Variants in LFNG observed in about 807,000 individuals in gnomAD.
The protein encoded by LFNG is LFNG O-fucosylpeptide 3-beta-N-acetylglucosaminyltransferase.
A neutral mutation model predicts 32.7 loss-of-function variants in LFNG; 15 were observed. The observed-to-expected ratio is 0.46, with a 90% confidence interval of 0.31 to 0.71. The LOEUF (loss-of-function observed/expected upper bound fraction) is 0.71, where lower values mean the gene tolerates loss of function less well. Among genes scored for constraint, LFNG ranks in the 30% least tolerant of loss-of-function variants. The probability of loss-of-function intolerance (pLI) is 0.06; values close to 1 mark genes in which losing one functional copy is unlikely to be tolerated. For synonymous variants in LFNG, 274 were observed against 246.8 expected, an observed-to-expected ratio of 1.11 and a Z score of -1.03; for missense variants, 520 against 545.7, an observed-to-expected ratio of 0.95 and a Z score of 0.47.
In LFNG at chr7:2,519,962, C is replaced by A; in HGVS notation, c.101C>A (p.Pro34His). 2 of 990,106 alleles carry A rather than the reference C, an allele frequency of 2.0e-6. No homozygotes were observed. The highest frequency in any genetic ancestry group is 4.6e-5 in the South Asian group (1 of 21,946). The allele number at this position is 990,106 out of a possible 1,614,324, so 61.3% of individuals were successfully genotyped here. ...LTADPPPPPL[P>H]AERGRRALRS... ...GCCGACCCGCCGCCGCCTCCACTGC[C>A]CGCCGAGCGCGGCCGGCGCGCGCTG... The change falls in exon 1 of 8, where the codon CCC (proline) becomes CAC (histidine). Residue 34 changes from proline (P) to histidine (H), a missense_variant. Coordinates refer to ENST00000222725, the MANE Select transcript of LFNG (RefSeq NM_001040167.2).
At position 2,524,718 on chromosome 7, in the gene LFNG, A is replaced by T; in HGVS notation, c.456A>T (p.Glu152Asp). ...KEMTFIFTDG[E>D]DEALARHTGN... ...AGACGTTCATCTTCACTGACGGGGA[A>T]GATGAGGCCCTGGCCAGGCACACGG... is the stretch of plus-strand genomic sequence containing the variant. Residue 152 changes from glutamate to aspartate, a missense_variant, in exon 2 of 8, where the codon GAA becomes GAT. By Grantham distance (45) the Glu-to-Asp change is conservative (BLOSUM62 2). This residue lies in a region of LFNG where 360 missense variants were observed against 354.7 expected (regional missense o/e 1.01). Coordinates refer to ENST00000222725, the MANE Select transcript of LFNG (RefSeq NM_001040167.2). 2 of 1,590,554 alleles carry T rather than the reference A, an allele frequency of 1.3e-6. No homozygotes were observed. The highest frequency in any genetic ancestry group is 1.7e-6 in the Non-Finnish European group (2 of 1,168,696).
chr7:2,518,668 G>C (rs369336073), upstream of LFNG: 1 of 1,578,098 alleles, frequency 6.3e-7, no homozygotes, highest in Non-Finnish European at 8.6e-7. Flanking sequence ...ATAACTCCGA[G>C]GGGGGCAGTT....
intron 5 of LFNG, among the ~76,000 whole-genome samples, 171 bp downstream of exon 5, chr7:2,525,941 C>A (rs984476715): frequency 2.0e-5 from 3 of 152,220 alleles, no homozygotes; most frequent in Non-Finnish European, 4.4e-5. Flanking sequence ...GCTGTGTTTA[C>A]GGCGGCTGCC....
intron 2 of LFNG, 147 bp from the exon 3 acceptor site, chr7:2,525,072 G>A (rs771559862): frequency 1.5e-5 from 11 of 754,530 alleles, no homozygotes; most frequent in African/African-American, 5.2e-5. Context: ...CCCAAGCCCC[G>A]AGCTAGGGTG....
chr7:2,515,224 A>G (rs1779600705), upstream of LFNG, among the ~76,000 whole-genome samples: 1 of 151,986 alleles, frequency 6.6e-6, no homozygotes. Flanking sequence ...CCATTCATTC[A>G]TCCATCCAAC....
At chr7:2,525,151 G>A (rs574167435) in intron 2 of LFNG, 68 bp from the exon 3 acceptor site, 71 of 1,387,568 alleles carry the variant, frequency 5.1e-5, no homozygotes, top group African/African-American at 1.4e-4. Flanking sequence ...GCCCTGTGGC[G>A]TCCCCCAGGC....
upstream of LFNG, among the ~76,000 whole-genome samples, chr7:2,516,836 G>C (rs145217003): frequency 6.5e-3 from 993 of 152,350 alleles, 18 homozygotes; most frequent in African/African-American, 0.022. Flanking sequence ...TGTCATCCTT[G>C]TGTTACAAGT....
chr7:2,520,286 A>T lies in LFNG; in HGVS notation c.425A>T (p.Lys142Met). The T allele has an allele frequency of 6.2e-7, 1 of 1,608,548 alleles. No homozygotes were observed. The highest frequency in any genetic ancestry group is 8.5e-7 in the Non-Finnish European group (1 of 1,177,932). Residue 142 changes from lysine to methionine, a missense_variant, in exon 1 of 8, where the codon AAG (lysine) becomes ATG (methionine). By Grantham distance (95) the Lys-to-Met change is moderately conservative. Coordinates refer to ENST00000222725, the MANE Select transcript of LFNG (RefSeq NM_001040167.2). This position sits in a 1 kb window ranked among gnomAD's most constrained non-coding sequence, Gnocchi z 5.0. ...LLLETWISRH[K>M]EMTFIFTDGE... is the part of the protein sequence containing the mutation. ...CTGGAGACCTGGATCTCGCGCCACA[A>T]GGAGATGGTGAGCCCCCCGCGGCCT...
chr7:2,519,899 T>C lies in LFNG; in HGVS notation c.38T>C (p.Leu13Pro). ...TGCGGCCGGCGCCTGCTGCTGGCGCTGGCGGGCGCGCTGCTCGCCTGCCTG... is the reference window on the plus strand; with the variant it reads ...TGCGGCCGGCGCCTGCTGCTGGCGCCGGCGGGCGCGCTGCTCGCCTGCCTG... The part of the protein sequence containing the change: ...KRCGRRLLLA[L>P]AGALLACLLV... Residue 13 changes from leucine (L) to proline (P), a missense_variant, in exon 1 of 8, where the codon CTG (leucine) becomes CCG (proline). Transcript: ENST00000222725. The C allele has an allele frequency of 1.8e-6, 2 of 1,099,066 alleles. No homozygotes were observed. Among genetic ancestry groups the C allele is most frequent in the Non-Finnish European group, 2.2e-6 (2 of 898,864 alleles). The allele number at this position is 1,099,066 out of a possible 1,614,324, so 68.1% of individuals were successfully genotyped here. A position where few individuals can be genotyped will look rare whatever the true frequency, so the allele number is the denominator to read the frequency against.
chr7:2,526,431 G>A lies in LFNG; in HGVS notation c.987+22G>A, dbSNP rs775638466. On this transcript the variant is annotated intron_variant, in intron 6 of 7. Transcript: ENST00000222725. This position sits in a 1 kb window ranked among gnomAD's most constrained non-coding sequence, Gnocchi z 6.9. ...GCAGGTGCACCATCCTCCGGGCCCC[G>A]CCAGGACTCCGAGAGCACAGGAAGG... 39 of 1,602,986 alleles carry A rather than the reference G, an allele frequency of 2.4e-5. No homozygotes were observed. Among genetic ancestry groups the A allele is most frequent in the African/African-American group, 2.3e-4 (17 of 74,862 alleles).
In LFNG at chr7:2,519,992, G is replaced by A. The variant is rs1369297768; in HGVS notation, c.131G>A (p.Ser44Asn). Reference protein sequence around the residue: ...PAERGRRALRSLAGPAGAAPA... With the variant: ...PAERGRRALRNLAGPAGAAPA... ...GAGCGCGGCCGGCGCGCGCTGCGCAGCCTGGCGGGCCCCGCGGGGGCTGCC... is the reference window on the plus strand; with the variant it reads ...GAGCGCGGCCGGCGCGCGCTGCGCAACCTGGCGGGCCCCGCGGGGGCTGCC... Residue 44 changes from serine (S) to asparagine (N), a missense_variant, in exon 1 of 8, where the codon AGC becomes AAC. Physicochemically the swap from Ser to Asn is conservative, Grantham distance 46. Around this residue, in one of 3 missense-constraint regions of LFNG, gnomAD observed 360 missense variants for 354.7 expected, o/e 1.01. Transcript: ENST00000222725. 1 of 982,772 alleles carries A rather than the reference G, an allele frequency of 1.0e-6. No individual in the cohort carries two copies. Among genetic ancestry groups the A allele is most frequent in the Non-Finnish European group, 1.2e-6 (1 of 830,060 alleles). The allele number at this position is 982,772 out of a possible 1,614,324, so 60.9% of individuals were successfully genotyped here.
rs138320196 is a variant in LFNG at position 2,526,875 on chromosome 7, G to A, written c.1027G>A (p.Ala343Thr). 2.5e-5 allele frequency: 41 copies of A among 1,612,276 alleles called. No homozygotes were observed. Among genetic ancestry groups the A allele is most frequent in the African/African-American group, 9.4e-5 (7 of 74,776 alleles). Residue 343 changes from alanine (A) to threonine (T), a missense_variant, in exon 7 of 8, where the codon GCC (alanine) becomes ACC (threonine). Physicochemically the swap from Ala to Thr is moderately conservative, Grantham distance 58. Coordinates refer to ENST00000222725, the MANE Select transcript of LFNG (RefSeq NM_001040167.2). The surrounding 1 kb of genome is among the most constrained non-coding windows in gnomAD (Gnocchi z 6.9). ...CGGTATGTTTGAAAACAAGCGGAAC[G>A]CCGTCCACGTGAAGGGGCCCTTCTC... ...SYGMFENKRN[A>T]VHVKGPFSVE...
chr7:2,525,339 C>A, intron 3 of LFNG, 21 bp downstream of exon 3: 2 of 1,611,990 alleles, frequency 1.2e-6, no homozygotes, highest in South Asian at 2.2e-5. Flanking sequence ...CCCCGGGGGA[C>A]CCCCATCTCC....
chr7:2,520,078 A>T lies in LFNG; in HGVS notation c.217A>T (p.Ser73Cys). ...CGGGGCGCTGGTCCGCGACGTGCAC[A>T]GTCTGTCCGAGTACTTCAGCCTGCT... ...APGALVRDVH[S>C]LSEYFSLLTR... The change falls in exon 1 of 8, where the codon AGT (serine) becomes TGT (cysteine). Residue 73 changes from serine (S) to cysteine (C), a missense_variant. Coordinates refer to ENST00000222725, the MANE Select transcript of LFNG (RefSeq NM_001040167.2). The surrounding 1 kb of genome is among the most constrained non-coding windows in gnomAD (Gnocchi z 5.0). 3 of 1,273,170 alleles carry T rather than the reference A, an allele frequency of 2.4e-6. No homozygotes were observed. Among genetic ancestry groups the T allele is most frequent in the Non-Finnish European group, 3.0e-6 (3 of 1,001,362 alleles). The allele number at this position is 1,273,170 out of a possible 1,614,324, so 78.9% of individuals were successfully genotyped here.
chr7:2,518,717 G>A, upstream of LFNG: 3 of 1,408,750 alleles, frequency 2.1e-6, no homozygotes, highest in East Asian at 2.4e-5. Context: ...GGTGGTCGCA[G>A]AGACCCTGCT....
chr7:2,519,664 T>C (rs1361801965), upstream of LFNG, among the ~76,000 whole-genome samples: 2 of 147,716 alleles, frequency 1.4e-5, no homozygotes, highest in African/African-American at 2.5e-5. Context: ...TCTGCGGGCG[T>C]GGAGCGGCGA....
chr7:2,528,365 G>A lies in LFNG; in HGVS notation c.*1153G>A, dbSNP rs1036571400. On this transcript the variant is annotated 3_prime_UTR_variant, in exon 8 of 8. Coordinates refer to ENST00000222725, the MANE Select transcript of LFNG (RefSeq NM_001040167.2). ...CGAATGATAAGGGAAAAGTTCTCAG[G>A]GAATTGAAGTGTTGTTGCTATGGTG... 5 of 986,174 alleles carry A rather than the reference G, an allele frequency of 5.1e-6. No individual in the cohort carries two copies. Among genetic ancestry groups the A allele is most frequent in the Non-Finnish European group, 6.0e-6 (5 of 830,120 alleles). The allele number at this position is 986,174 out of a possible 1,614,324, so 61.1% of individuals were successfully genotyped here. A position where few individuals can be genotyped will look rare whatever the true frequency, so the allele number is the denominator to read the frequency against.
Position 2,528,115 on chromosome 7 carries a change from T to G in LFNG, c.*903T>G. ...GTCTTATTTTATCTTATCTTTTCTG[T>G]GGATCAGAAAAAACAGAAGCCAAAC... On this transcript the variant is annotated 3_prime_UTR_variant, in exon 8 of 8. Transcript: ENST00000222725. 1.0e-6 allele frequency: 1 copy of G among 985,526 alleles called. No homozygotes were observed. Among genetic ancestry groups the G allele is most frequent in the Non-Finnish European group, 1.2e-6 (1 of 829,820 alleles). 61.0% of individuals were successfully genotyped at this position (985,526 alleles called of 1,614,324 possible). A position where few individuals can be genotyped will look rare whatever the true frequency, so the allele number is the denominator to read the frequency against.
At chr7:2,528,591 G>C (rs1192795566), downstream of LFNG, among the ~76,000 whole-genome samples, 1 of 152,162 alleles carries the variant, frequency 6.6e-6, no homozygotes, top group South Asian at 2.1e-4. Context: ...GAAACCTGGC[G>C]TCACTATAGC....
Sources: gnomAD v4.1 joint callset for allele counts (sites outside exome capture counted in the v4.1 genomes callset) on GRCh38, gnomAD v4.1.1 for gene constraint, gnomAD v4.1.1 regional missense constraint, Gnocchi (gnomAD v3.1) non-coding constraint, MANE v1.5 for transcripts, NCBI Gene and HGNC (gene_info 2026-07-23, HGNC 2026-07-21) for gene names.